The following GTF2E2 variants were observed in gnomAD, a reference collection of about 807,000 sequenced individuals.
GTF2E2 encodes the protein transcription initiation factor IIE subunit beta.
A neutral mutation model predicts 40.5 loss-of-function variants in GTF2E2; 21 were observed. That is an observed-to-expected ratio of 0.52 (90% CI 0.37 to 0.75). GTF2E2 has a LOEUF of 0.75. Among genes scored for constraint, GTF2E2 ranks in the 30% least tolerant of loss-of-function variants. The probability of loss-of-function intolerance (pLI) is 0.00; values close to 1 mark genes in which losing one functional copy is unlikely to be tolerated. For synonymous variants in GTF2E2, 117 were observed against 121.6 expected (o/e 0.96, Z 0.25); for missense variants, 298 against 338.4 (o/e 0.88, Z 0.94).
At chr8:30,614,764 T>C (rs764649205) in intron 3 of GTF2E2, 49 bp from the exon 4 acceptor site, 5 of 979,604 alleles carry the variant, frequency 5.1e-6, no homozygotes, top group Admixed American at 1.9e-5. Flanking sequence ...AAATGCTAGA[T>C]GCATTAAATC....
chr8:30,603,756 T>G (rs1829245759), intron 6 of GTF2E2, among the ~76,000 whole-genome samples: 1 of 152,156 alleles, frequency 6.6e-6, no homozygotes, highest in Admixed American at 6.5e-5. Flanking sequence ...GATGATGATC[T>G]GATAAGAATA....
intron 5 of GTF2E2, among the ~76,000 whole-genome samples, chr8:30,607,519 G>T (rs1050000680): frequency 2.0e-5 from 3 of 152,078 alleles, no homozygotes; most frequent in African/African-American, 4.8e-5. Context: ...GGGCTCAAGC[G>T]ATCTTCCCAC....
intron 7 of GTF2E2, among the ~76,000 whole-genome samples, chr8:30,579,571 T>C (rs1206395993): frequency 6.6e-6 from 1 of 152,122 alleles, no homozygotes; most frequent in Admixed American, 6.6e-5. Context: ...ACAATAAAGC[T>C]TCCCTTTAGG....
intron 6 of GTF2E2, among the ~76,000 whole-genome samples, chr8:30,593,623 G>A (rs987261452): frequency 6.6e-6 from 1 of 152,094 alleles, no homozygotes; most frequent in African/African-American, 2.4e-5. Flanking sequence ...TTCCTGAGTA[G>A]CACTACGAGA....
chr8:30,618,200 G>C (rs1189265319), intron 3 of GTF2E2, among the ~76,000 whole-genome samples: 1 of 148,552 alleles, frequency 6.7e-6, no homozygotes, highest in South Asian at 2.1e-4. Flanking sequence ...AGGAGGCTGA[G>C]GAAGGAGAAT....
chr8:30,633,738 C>T (rs1801506768), intron 3 of GTF2E2, among the ~76,000 whole-genome samples: 2 of 152,140 alleles, frequency 1.3e-5, no homozygotes, highest in Non-Finnish European at 2.9e-5. Flanking sequence ...GGTATTCCCA[C>T]CATTAGTGCC....
chr8:30,657,385 A>T (rs750081978), intron 1 of GTF2E2, among the ~76,000 whole-genome samples: 3 of 151,942 alleles, frequency 2.0e-5, no homozygotes, highest in Non-Finnish European at 2.9e-5. Context: ...TTTCAACCTT[A>T]CTACTTCCCC....
chr8:30,649,390 C>G (rs1399785056), intron 2 of GTF2E2, among the ~76,000 whole-genome samples: 1 of 151,424 alleles, frequency 6.6e-6, no homozygotes, highest in East Asian at 1.9e-4. Flanking sequence ...ATAATAAATA[C>G]TGATGTGGAA....
chr8:30,630,211 T>C (rs1801400835), intron 3 of GTF2E2, among the ~76,000 whole-genome samples: 2 of 152,248 alleles, frequency 1.3e-5, no homozygotes, highest in Non-Finnish European at 2.9e-5. Context: ...TACTGAGCTA[T>C]GGTATGATAG....
Position 30,620,267 on chromosome 8 carries a change from C to A in GTF2E2, c.259-5552G>T, listed in dbSNP as rs1251684812. 7.6e-3 allele frequency among the ~76,000 whole-genome samples: 1,094 copies of A among 143,518 alleles called. 28 individuals are homozygous for A. The highest frequency in any genetic ancestry group is 0.026 in the African/African-American group (994 of 37,746). 94.2% of individuals were successfully genotyped at this position (143,518 alleles called of 152,430 possible). A position where few individuals can be genotyped will look rare whatever the true frequency, so the allele number is the denominator to read the frequency against. ...ACACACACACACACACAAACACACA[C>A]ACACACGTATACATACACACATTCA... On this transcript the variant is annotated intron_variant, in intron 3 of 7. Coordinates refer to ENST00000355904, the MANE Select transcript of GTF2E2 (RefSeq NM_002095.6).
intron 6 of GTF2E2, among the ~76,000 whole-genome samples, chr8:30,599,527 C>T (rs947236001): frequency 1.4e-5 from 2 of 147,906 alleles, no homozygotes; most frequent in African/African-American, 5.0e-5. Context: ...TGCAGTAAGC[C>T]GAGACTGTGC....
At chr8:30,600,024 C>T (rs1829131323) in intron 6 of GTF2E2, among the ~76,000 whole-genome samples, 1 of 152,014 alleles carries the variant, frequency 6.6e-6, no homozygotes, top group African/African-American at 2.4e-5. Context: ...AGTATGAGAG[C>T]CCCAGAGCAC....
rs532159035 is a variant in GTF2E2 at position 30,620,760 on chromosome 8, C to T, written c.259-6045G>A. ...CCTGGCCAACATGATGAAACCTCGA[C>T]TCCACAAAAAAAAAAAAAATTAGCC... On this transcript the variant is annotated intron_variant, in intron 3 of 7. Coordinates refer to ENST00000355904, the MANE Select transcript of GTF2E2 (RefSeq NM_002095.6). Among the ~76,000 whole-genome samples, 8 of 150,034 alleles carry T rather than the reference C, an allele frequency of 5.3e-5. No homozygotes were observed. In the South Asian group the frequency reaches 1.5e-3, roughly 28 times the overall value.
intron 2 of GTF2E2, among the ~76,000 whole-genome samples, chr8:30,650,707 C>T (rs762753945): frequency 1.6e-4 from 24 of 151,480 alleles, no homozygotes; most frequent in Admixed American, 5.9e-4. Flanking sequence ...CAGAGTAAGA[C>T]GCTGTCTCGA....
chr8:30,607,172 G>C (rs766162182), intron 5 of GTF2E2, 22 bp from the exon 6 acceptor site: 1 of 909,386 alleles, frequency 1.1e-6, no homozygotes, highest in Non-Finnish European at 1.7e-6. Flanking sequence ...ATAAAATAAA[G>C]ATTTTTCAGT....
chr8:30,606,575 T>G (rs1041653578), intron 6 of GTF2E2, among the ~76,000 whole-genome samples: 3 of 152,144 alleles, frequency 2.0e-5, no homozygotes, highest in Non-Finnish European at 2.9e-5. Flanking sequence ...ATATACTTAG[T>G]AAGAGATTCA....
intron 3 of GTF2E2, among the ~76,000 whole-genome samples, chr8:30,622,911 T>C (rs1363963688): frequency 6.6e-6 from 1 of 152,076 alleles, no homozygotes; most frequent in Admixed American, 6.5e-5. Flanking sequence ...GGTGCCCAGA[T>C]TTCATATTGT....
At chr8:30,620,239 A>ACACAAACAC (rs1801048708) in intron 3 of GTF2E2, among the ~76,000 whole-genome samples, 1 of 150,418 alleles carries the variant, frequency 6.6e-6, no homozygotes. Flanking sequence ...CACACACACA[A>ACACAAACAC]ACACACACAC....
intron 6 of GTF2E2, among the ~76,000 whole-genome samples, chr8:30,603,648 T>C (rs1400281653): frequency 6.6e-6 from 1 of 152,088 alleles, no homozygotes; most frequent in Non-Finnish European, 1.5e-5. Flanking sequence ...AAGCAGTAAC[T>C]ACAGGAAAAA....
Sources: allele counts gnomAD v4.1 joint callset (sites outside exome capture counted in the v4.1 genomes callset), GRCh38; gene constraint gnomAD v4.1.1; transcripts MANE v1.5; gene names NCBI Gene and HGNC (gene_info 2026-07-23, HGNC 2026-07-21).